Variants in SERPIND1 observed in about 807,000 individuals in gnomAD.
The protein encoded by SERPIND1 is serpin family D member 1, also known as heparin cofactor 2.
In SERPIND1, 34 loss-of-function variants were observed where a neutral mutation model predicts 35.0. The observed-to-expected ratio is 0.97, with a 90% CI of 0.74 to 1.29. The LOEUF (loss-of-function observed/expected upper bound fraction) is 1.29, where lower values mean the gene tolerates loss of function less well. Among genes scored for constraint, SERPIND1 ranks in the 50% most tolerant of loss-of-function variants. The pLI, the probability that SERPIND1 is intolerant of heterozygous loss-of-function variation, is 0.00. For missense variants in SERPIND1, 633 were observed against 637.7 expected, an observed-to-expected ratio of 0.99 and a Z score of 0.08; for synonymous variants, 236 against 241.1, an observed-to-expected ratio of 0.98 and a Z score of 0.19.
At chr22:20,776,306 AGAGT>A (rs1933267533) in intron 1 of SERPIND1, among the ~76,000 whole-genome samples, 2 of 152,168 alleles carry the variant, frequency 1.3e-5, no homozygotes, top group African/African-American at 2.4e-5. Flanking sequence ...CCTGGGTGAC[AGAGT>A]GAGACCCCGC....
intron 2 of SERPIND1, among the ~76,000 whole-genome samples, chr22:20,780,602 CCTGG>C (rs1253201314): frequency 6.6e-6 from 1 of 151,882 alleles, no homozygotes. Context: ...ATGGTGAAAA[CCTGG>C]CTCTACTAAA....
intron 3 of SERPIND1, among the ~76,000 whole-genome samples, chr22:20,784,473 G>C (rs1241019210): frequency 6.6e-6 from 1 of 152,208 alleles, no homozygotes; most frequent in Non-Finnish European, 1.5e-5. Context: ...AGTTTCAGAA[G>C]TTAGAGGCAG....
intron 2 of SERPIND1, among the ~76,000 whole-genome samples, chr22:20,781,292 G>T (rs576061142): frequency 6.6e-6 from 1 of 152,310 alleles, no homozygotes; most frequent in Admixed American, 6.5e-5. Flanking sequence ...TCTCTAAGCT[G>T]AGAGTGTGGA....
intron 1 of SERPIND1, among the ~76,000 whole-genome samples, chr22:20,777,372 A>G (rs1196980361): frequency 1.3e-5 from 2 of 151,680 alleles, no homozygotes; most frequent in African/African-American, 4.8e-5. Flanking sequence ...ATGCGCCACC[A>G]CGCCGGCTAA....
Position 20,787,317 on chromosome 22 carries a change from T to G in SERPIND1, c.*251T>G. 5.7e-6 allele frequency: 3 copies of G among 521,760 alleles called. No individual in the cohort carries two copies. Among genetic ancestry groups the G allele is most frequent in the Non-Finnish European group, 7.0e-6 (2 of 287,604 alleles). 32.3% of individuals were successfully genotyped at this position (521,760 alleles called of 1,614,324 possible). A position where few individuals can be genotyped will look rare whatever the true frequency, so the allele number is the denominator to read the frequency against. ...AGTGTGTCTGCTGTTACCTAGAGGG[T>G]CTCACCTCCCCACTCTTCACAGCAA... On this transcript the variant is annotated 3_prime_UTR_variant, in exon 5 of 5. Transcript: ENST00000215727.
At chr22:20,777,219 CT>C (rs374097207) in intron 1 of SERPIND1, among the ~76,000 whole-genome samples, 233 of 140,912 alleles carry the variant, frequency 1.7e-3, no homozygotes, top group Non-Finnish European at 1.3e-3. Context: ...TTTTTCTTTT[CT>C]TTTTTTTTTT....
chr22:20,780,075 G>T lies in SERPIND1; in HGVS notation c.763G>T (p.Asp255Tyr), dbSNP rs778182584. Reference protein sequence around the residue: ...FAEAQIADFSDPAFISKTNNH... With the variant: ...FAEAQIADFSYPAFISKTNNH... ...TGAGGCCCAGATAGCTGACTTCTCAGACCCTGCCTTCATATCAAAAACCAA... is the reference window on the plus strand; with the variant it reads ...TGAGGCCCAGATAGCTGACTTCTCATACCCTGCCTTCATATCAAAAACCAA... Residue 255 changes from aspartate to tyrosine, a missense_variant, in exon 2 of 5, where the codon GAC (aspartate) becomes TAC (tyrosine). Coordinates refer to ENST00000215727, the MANE Select transcript of SERPIND1 (RefSeq NM_000185.4). The T allele has an allele frequency of 6.2e-7, 1 of 1,614,128 alleles. No individual in the cohort carries two copies. Among genetic ancestry groups the T allele is most frequent in the Non-Finnish European group, 8.5e-7 (1 of 1,180,038 alleles).
At chr22:20,775,974 A>G (rs1933239313) in intron 1 of SERPIND1, among the ~76,000 whole-genome samples, 1 of 152,170 alleles carries the variant, frequency 6.6e-6, no homozygotes, top group Non-Finnish European at 1.5e-5. Context: ...TAAGTTACTC[A>G]AAGTGCCATT....
chr22:20,786,202 G>GC, intron 4 of SERPIND1, 54 bp downstream of exon 4: 1 of 1,602,848 alleles, frequency 6.2e-7, no homozygotes, highest in Non-Finnish European at 8.5e-7. Flanking sequence ...CCTCAGCACA[G>GC]CCCCACCTCC....
chr22:20,786,033 A>G lies in SERPIND1; in HGVS notation c.1193A>G (p.Lys398Arg). Residue 398 changes from lysine to arginine, a missense_variant, in exon 4 of 5, where the codon AAG becomes AGG. Physicochemically the swap from Lys to Arg is conservative, Grantham distance 26. Transcript: ENST00000215727. ...RTREVLLPKF[K>R]LEKNYNLVES... The stretch of plus-strand genomic sequence containing the variant: ...CGAGAAGTGCTTCTGCCGAAATTCA[A>G]GCTGGAGAAGAACTACAATCTAGTG... 6.2e-7 allele frequency: 1 copy of G among 1,614,174 alleles called. No individual in the cohort carries two copies. The highest frequency in any genetic ancestry group is 8.5e-7 in the Non-Finnish European group (1 of 1,180,034).
chr22:20,782,872 G>C (rs959788118), intron 2 of SERPIND1, among the ~76,000 whole-genome samples: 1 of 152,152 alleles, frequency 6.6e-6, no homozygotes, highest in Non-Finnish European at 1.5e-5. Context: ...GAAGGGAATC[G>C]AGCTTCACTC....
intron 1 of SERPIND1, among the ~76,000 whole-genome samples, chr22:20,775,672 T>C (rs1420524442): frequency 1.3e-5 from 2 of 152,196 alleles, no homozygotes; most frequent in East Asian, 3.8e-4. Flanking sequence ...TTTTTTAAAA[T>C]AGAGATGAGG....
At chr22:20,786,230 ACC>A in intron 4 of SERPIND1, 82 bp downstream of exon 4, 1 of 1,454,466 alleles carries the variant, frequency 6.9e-7, no homozygotes, top group Non-Finnish European at 9.6e-7. Flanking sequence ...CTTCCTACCC[ACC>A]CCCCAATCTC....
At position 20,779,403 on chromosome 22, in the gene SERPIND1, G is replaced by C; in HGVS notation, c.91G>C (p.Gly31Arg). 1 of 1,614,242 alleles carries C rather than the reference G, an allele frequency of 6.2e-7. No individual in the cohort carries two copies. Among genetic ancestry groups the C allele is most frequent in the Non-Finnish European group, 8.5e-7 (1 of 1,180,040 alleles). The change falls in exon 2 of 5, where the codon GGA (glycine) becomes CGA (arginine). Residue 31 changes from glycine to arginine, a missense_variant. By Grantham distance (125) the Gly-to-Arg change is moderately radical (BLOSUM62 -2). Coordinates refer to ENST00000215727, the MANE Select transcript of SERPIND1 (RefSeq NM_000185.4). ...SKGPLDQLEK[G>R]GETAQSADPQ... is the part of the protein sequence containing the mutation. ...AGGCCCGCTGGATCAGCTAGAGAAA[G>C]GAGGGGAAACTGCTCAGTCTGCAGA...
chr22:20,786,360 G>A (rs902302289), intron 4 of SERPIND1, among the ~76,000 whole-genome samples: 1 of 152,172 alleles, frequency 6.6e-6, no homozygotes, highest in Middle Eastern at 3.2e-3. Flanking sequence ...CTGGGCAGGG[G>A]GGATCCCAAG....
intron 3 of SERPIND1, among the ~76,000 whole-genome samples, chr22:20,784,789 T>C (rs1934077526): frequency 6.6e-6 from 1 of 152,198 alleles, no homozygotes; most frequent in Non-Finnish European, 1.5e-5. Flanking sequence ...ATTGAGATTA[T>C]TATTGGGTCA....
At chr22:20,782,096 C>T (rs947103055) in intron 2 of SERPIND1, among the ~76,000 whole-genome samples, 4 of 152,206 alleles carry the variant, frequency 2.6e-5, no homozygotes, top group Non-Finnish European at 4.4e-5. Context: ...GACTTTAGAA[C>T]AGGCTGGCAG....
At chr22:20,786,244 T>G in intron 4 of SERPIND1, 96 bp downstream of exon 4, 1 of 1,342,046 alleles carries the variant, frequency 7.5e-7, no homozygotes, top group African/African-American at 1.4e-5. Flanking sequence ...CCCAATCTCA[T>G]GTCCCAGCTT....
intron 2 of SERPIND1, 59 bp downstream of exon 2, chr22:20,780,260 G>A: frequency 6.2e-7 from 1 of 1,611,102 alleles, no homozygotes; most frequent in Non-Finnish European, 8.5e-7. Context: ...TTTGTATGTG[G>A]GTAGATTGAA....
Sources: gnomAD v4.1 joint callset for allele counts (sites outside exome capture counted in the v4.1 genomes callset) on GRCh38, gnomAD v4.1.1 for gene constraint, MANE v1.5 for transcripts, NCBI Gene and HGNC (gene_info 2026-07-23, HGNC 2026-07-21) for gene names.